The following IGSF11 variants were observed in gnomAD, a reference collection of about 807,000 sequenced individuals.
IGSF11 encodes the protein CXADR like 1.
In IGSF11, 22 loss-of-function variants were observed where a neutral mutation model predicts 41.0. That is an observed-to-expected ratio of 0.54 (90% confidence interval 0.38 to 0.77). IGSF11 has a LOEUF of 0.77. Among genes scored for constraint, IGSF11 ranks in the 30% least tolerant of loss-of-function variants. The pLI is 0.00. For synonymous variants in IGSF11, 219 were observed against 201.3 expected, an observed-to-expected ratio of 1.09 and a Z score of -0.74; for missense variants, 444 against 530.8, an observed-to-expected ratio of 0.84 and a Z score of 1.61.
chr3:119,014,873 C>A (rs1938518643), intron 1 of IGSF11, among the ~76,000 whole-genome samples: 1 of 152,138 alleles, frequency 6.6e-6, no homozygotes, highest in Non-Finnish European at 1.5e-5. Context: ...CACCTTCTGG[C>A]TTGGAATTAT....
chr3:118,918,039 C>T (rs1188333104), intron 4 of IGSF11, among the ~76,000 whole-genome samples: 1 of 139,184 alleles, frequency 7.2e-6, no homozygotes, highest in Admixed American at 7.2e-5. Context: ...CAGAAAAAGC[C>T]TTTGACAAAA....
At chr3:118,926,438 C>T (rs1942314139) in intron 3 of IGSF11, among the ~76,000 whole-genome samples, 182 bp from the exon 4 acceptor site, 1 of 152,112 alleles carries the variant, frequency 6.6e-6, no homozygotes, top group Non-Finnish European at 1.5e-5. Flanking sequence ...GGCTTAGGCA[C>T]AGGAGCAGGC....
At chr3:119,089,930 C>T (rs2076736465) in intron 1 of IGSF11, among the ~76,000 whole-genome samples, 1 of 152,130 alleles carries the variant, frequency 6.6e-6, no homozygotes, top group African/African-American at 2.4e-5. Flanking sequence ...GAGGCTGAGG[C>T]AGGAGAATCA....
chr3:119,043,511 C>T (rs1479184250), intron 1 of IGSF11, among the ~76,000 whole-genome samples: 1 of 152,184 alleles, frequency 6.6e-6, no homozygotes, highest in Non-Finnish European at 1.5e-5. Flanking sequence ...GAAATAACAA[C>T]TGATTCCATT....
At chr3:118,967,910 C>T (rs1419280779) in intron 1 of IGSF11, among the ~76,000 whole-genome samples, 1 of 152,036 alleles carries the variant, frequency 6.6e-6, no homozygotes, top group South Asian at 2.1e-4. Flanking sequence ...TTTATTCTCA[C>T]AATAAGGACA....
At chr3:118,959,186 T>G (rs775950314) in intron 1 of IGSF11, among the ~76,000 whole-genome samples, 1 of 152,174 alleles carries the variant, frequency 6.6e-6, no homozygotes, top group Non-Finnish European at 1.5e-5. Flanking sequence ...AGAAGAGTTT[T>G]CTTTAGACAG....
chr3:119,002,789 G>A (rs200234474), intron 1 of IGSF11, among the ~76,000 whole-genome samples: 12,973 of 89,870 alleles, frequency 0.14, 1,170 homozygotes, highest in African/African-American at 0.29. Context: ...TTGTAGGTAT[G>A]CGGCATTATT....
chr3:119,123,658 C>CAG lies in IGSF11; in HGVS notation c.-13-18455_-13-18454dup, dbSNP rs151000923. 2.1e-4 allele frequency among the ~76,000 whole-genome samples: 32 copies of CAG among 150,610 alleles called. 1 individual carries two copies. Among genetic ancestry groups the CAG allele is most frequent in the South Asian group, 1.0e-3 (5 of 4,778 alleles). On this transcript the variant is annotated intron_variant, in intron 1 of 7. Coordinates refer to the IGSF11 transcript ENST00000425327. The stretch of plus-strand genomic sequence containing the variant: ...ACTCCCAGCTCCAGGAAGCTCAGCA[C>CAG]AGAGAGAGAGAGAGAGACTGTTTAT...
At chr3:118,958,722 T>C (rs1036945242) in intron 1 of IGSF11, among the ~76,000 whole-genome samples, 13 of 152,220 alleles carry the variant, frequency 8.5e-5, no homozygotes, top group African/African-American at 2.9e-4. Context: ...ACAAGGTCAG[T>C]CTGTGACATT....
chr3:118,996,007 C>T (rs1363914082), intron 1 of IGSF11, among the ~76,000 whole-genome samples: 1 of 152,044 alleles, frequency 6.6e-6, no homozygotes, highest in Non-Finnish European at 1.5e-5. Context: ...TGCTCTCAAA[C>T]TCCTGATCTC....
At chr3:119,050,830 C>G (rs369412686) in intron 1 of IGSF11, among the ~76,000 whole-genome samples, 1,884 of 151,532 alleles carry the variant, frequency 0.012, 16 homozygotes, top group Non-Finnish European at 0.016. Flanking sequence ...AAAATGATGA[C>G]TTCATGTCCT....
At chr3:119,019,638 C>A (rs373724726) in intron 1 of IGSF11, among the ~76,000 whole-genome samples, 1 of 152,164 alleles carries the variant, frequency 6.6e-6, no homozygotes, top group South Asian at 2.1e-4. Context: ...CCTATAGCCA[C>A]ACCAAGTTCT....
At chr3:119,045,220 C>G (rs1400040960) in intron 1 of IGSF11, among the ~76,000 whole-genome samples, 1 of 152,194 alleles carries the variant, frequency 6.6e-6, no homozygotes, top group Non-Finnish European at 1.5e-5. Context: ...TTCTGCATTT[C>G]CATCTGAGGT....
chr3:119,046,070 T>A (rs1941336412), intron 1 of IGSF11, among the ~76,000 whole-genome samples: 1 of 151,084 alleles, frequency 6.6e-6, no homozygotes, highest in Non-Finnish European at 1.5e-5. Flanking sequence ...AACTGGAAAC[T>A]CTAAAAATCA....
chr3:119,053,440 T>G (rs1457840364), intron 1 of IGSF11, among the ~76,000 whole-genome samples: 1 of 151,906 alleles, frequency 6.6e-6, no homozygotes, highest in Non-Finnish European at 1.5e-5. Flanking sequence ...AATAAAATAC[T>G]CAGAAATGTA....
intron 4 of IGSF11, among the ~76,000 whole-genome samples, chr3:118,909,485 T>G (rs1467868916): frequency 6.6e-6 from 1 of 152,128 alleles, no homozygotes; most frequent in Non-Finnish European, 1.5e-5. Flanking sequence ...AAAGATGACA[T>G]CACAAATACT....
intron 1 of IGSF11, among the ~76,000 whole-genome samples, chr3:119,066,119 G>T (rs1280785448): frequency 6.6e-6 from 1 of 152,028 alleles, no homozygotes; most frequent in Non-Finnish European, 1.5e-5. Flanking sequence ...ACTAATGCAA[G>T]TAACTGTATT....
intron 1 of IGSF11, among the ~76,000 whole-genome samples, chr3:118,979,820 T>C (rs1303492387): frequency 6.6e-6 from 1 of 151,952 alleles, no homozygotes; most frequent in African/African-American, 2.4e-5. Context: ...CAATCAACAG[T>C]AAAATATTAA....
rs895440213 is a variant in IGSF11, at chr3:119,034,533, T to C, written c.50A>G (p.His17Arg). The change falls in exon 1 of 7, where the codon CAC (histidine) becomes CGC (arginine). Residue 17 changes from histidine to arginine, a missense_variant and splice_region_variant. By Grantham distance (29) the His-to-Arg change is conservative. This residue lies in a region of IGSF11 where 28 missense variants were observed against 21.1 expected (regional missense o/e 1.33). Transcript: ENST00000393775. ...PLAPLLLLSL[H>R]GVAASLEVSE... is the part of the protein sequence containing the mutation. Reference sequence around the variant, plus strand: ...AAGAAAGGGCTGGAGCTACTCACCGTGCAGAGAGAGGAGCAGCAAAGGCGC... The same window carrying C: ...AAGAAAGGGCTGGAGCTACTCACCGCGCAGAGAGAGGAGCAGCAAAGGCGC... 1.3e-6 allele frequency: 2 copies of C among 1,585,838 alleles called. No homozygotes were observed. The highest frequency in any genetic ancestry group is 1.7e-6 in the Non-Finnish European group (2 of 1,166,970).
Sources: gnomAD v4.1 joint callset for allele counts (sites outside exome capture counted in the v4.1 genomes callset) on GRCh38, gnomAD v4.1.1 for gene constraint, gnomAD v4.1.1 regional missense constraint, MANE v1.5 for transcripts, NCBI Gene and HGNC (gene_info 2026-07-23, HGNC 2026-07-21) for gene names.